KSR1: variants seen among roughly 807,000 people sequenced by gnomAD.
KSR1 encodes kinase suppressor of ras 1.
In KSR1, 35 loss-of-function variants were observed where a neutral mutation model predicts 92.9. That is an observed-to-expected ratio of 0.38 (90% CI 0.29 to 0.50). KSR1 has a LOEUF of 0.50. KSR1 is among the 20% of genes least tolerant of loss of function. The pLI, the probability that KSR1 is intolerant of heterozygous loss-of-function variation, is 0.94. For missense variants in KSR1, 972 were observed against 1,158.5 expected (o/e 0.84, Z 2.34); for synonymous variants, 467 against 472.6 (o/e 0.99, Z 0.15).
chr17:27,587,931 T>C (rs2073028143), intron 5 of KSR1, among the ~76,000 whole-genome samples: 1 of 152,320 alleles, frequency 6.6e-6, no homozygotes, highest in East Asian at 1.9e-4. Context: ...AGCTTCACCT[T>C]GTCCTCGTTC....
At chr17:27,508,479 T>A (rs933480615) in intron 1 of KSR1, among the ~76,000 whole-genome samples, 3 of 152,148 alleles carry the variant, frequency 2.0e-5, no homozygotes, top group African/African-American at 7.2e-5. Flanking sequence ...TATTTGTAAG[T>A]GGCAGGAGCT....
intron 9 of KSR1, among the ~76,000 whole-genome samples, chr17:27,593,370 T>C (rs1181864114): frequency 6.6e-6 from 1 of 152,252 alleles, no homozygotes; most frequent in Non-Finnish European, 1.5e-5. Flanking sequence ...GGCTTCTGGC[T>C]GCTGTGGTTT....
chr17:27,591,601 G>A (rs2073168863), intron 7 of KSR1, among the ~76,000 whole-genome samples: 1 of 152,228 alleles, frequency 6.6e-6, no homozygotes, highest in Admixed American at 6.5e-5. Flanking sequence ...ACCGTAGATG[G>A]TGGGTCTTGT....
intron 1 of KSR1, among the ~76,000 whole-genome samples, chr17:27,461,844 G>A (rs1182896262): frequency 6.6e-6 from 1 of 152,232 alleles, no homozygotes; most frequent in African/African-American, 2.4e-5. Flanking sequence ...AAAGTGCGCC[G>A]CAGGTATTCT....
At chr17:27,564,144 A>G (rs992393282) in intron 2 of KSR1, among the ~76,000 whole-genome samples, 31 of 151,802 alleles carry the variant, frequency 2.0e-4, no homozygotes, top group African/African-American at 7.2e-4. Flanking sequence ...ACCCGTCACC[A>G]CACCCAGCTA....
At chr17:27,583,931 G>A in intron 4 of KSR1, 1 of 977,606 alleles carries the variant, frequency 1.0e-6, no homozygotes, top group East Asian at 1.1e-4. Flanking sequence ...CCTTTCAGGA[G>A]CCAACCAGGC....
At chr17:27,479,974 T>C (rs2068463874) in intron 1 of KSR1, among the ~76,000 whole-genome samples, 1 of 152,168 alleles carries the variant, frequency 6.6e-6, no homozygotes, top group Non-Finnish European at 1.5e-5. Flanking sequence ...TTTGTCTGAA[T>C]GTAAATAGGA....
chr17:27,479,557 A>G (rs1416534220), intron 1 of KSR1, among the ~76,000 whole-genome samples: 1 of 152,122 alleles, frequency 6.6e-6, no homozygotes, highest in Admixed American at 6.5e-5. Flanking sequence ...GCTCTGACCC[A>G]CACTGGCCCT....
chr17:27,497,970 A>T lies in KSR1; in HGVS notation c.231+41096A>T, dbSNP rs536791630. On this transcript the variant is annotated intron_variant, in intron 1 of 20. Transcript: ENST00000644974. ...GGTTTGTACAGGTTTTGCTGCAAAA[A>T]TGAGGAGTGTGTGTGCATGTGCATA... is the stretch of plus-strand genomic sequence containing the variant. 4.6e-5 allele frequency among the ~76,000 whole-genome samples: 7 copies of T among 152,306 alleles called. 1 individual carries two copies. The South Asian group carries it at 1.5e-3, about 32-fold the overall frequency.
In KSR1 at chr17:27,459,550, C is replaced by T. The variant is rs1001032915; in HGVS notation, c.231+2676C>T. Among the ~76,000 whole-genome samples, 21 of 152,236 alleles carry T rather than the reference C, an allele frequency of 1.4e-4. No homozygotes were observed. Among genetic ancestry groups the T allele is most frequent in the African/African-American group, 5.1e-4 (21 of 41,474 alleles). ...AGGCAAGTGGCAGTGTCCACTCCAG[C>T]GTTCTTTCCTGTTCTGTGGGCTCCC... On this transcript the variant is annotated intron_variant, in intron 1 of 20. Coordinates refer to ENST00000644974, the MANE Select transcript of KSR1 (RefSeq NM_001394583.1). The surrounding 1 kb of genome is among the most constrained non-coding windows in gnomAD (Gnocchi z 4.6).
intron 2 of KSR1, among the ~76,000 whole-genome samples, chr17:27,566,133 G>A (rs1309617637): frequency 1.3e-5 from 2 of 152,140 alleles, no homozygotes; most frequent in African/African-American, 4.8e-5. Flanking sequence ...AGATGACCGT[G>A]TTCTTATTGA....
chr17:27,600,773 TATTTACACCCCC>T (rs992781593), intron 10 of KSR1, among the ~76,000 whole-genome samples: 41 of 152,286 alleles, frequency 2.7e-4, no homozygotes, highest in African/African-American at 9.6e-4. Context: ...CACATGACTG[TATTTACACCCCC>T]ATTTGACAGT....
chr17:27,514,534 C>T (rs1274892718), intron 1 of KSR1, among the ~76,000 whole-genome samples: 2 of 152,072 alleles, frequency 1.3e-5, no homozygotes, highest in African/African-American at 4.8e-5. Flanking sequence ...GTGGCGTACG[C>T]CTGTAATCCC....
chr17:27,552,972 G>T (rs1426740766), intron 2 of KSR1, among the ~76,000 whole-genome samples: 1 of 152,218 alleles, frequency 6.6e-6, no homozygotes, highest in Non-Finnish European at 1.5e-5. Context: ...CTAGCACTCA[G>T]TGGGTATAGA....
intron 10 of KSR1, among the ~76,000 whole-genome samples, chr17:27,600,240 G>A (rs572000737): frequency 6.6e-6 from 1 of 152,066 alleles, no homozygotes; most frequent in African/African-American, 2.4e-5. Flanking sequence ...TTCAAGACCA[G>A]CCTGGCCAAC....
intron 3 of KSR1, chr17:27,578,708 G>T (rs959192162): frequency 6.6e-6 from 1 of 152,236 alleles, no homozygotes; most frequent in Non-Finnish European, 1.5e-5. Context: ...TCCTCCTTAT[G>T]CCTGGATTTT....
chr17:27,619,283 G>A (rs2074149887), intron 19 of KSR1, among the ~76,000 whole-genome samples: 1 of 152,124 alleles, frequency 6.6e-6, no homozygotes, highest in South Asian at 2.1e-4. Context: ...CTTGCAGGTG[G>A]CACAGTCTCT....
chr17:27,540,438 C>A (rs1388704311), intron 1 of KSR1, among the ~76,000 whole-genome samples: 2 of 152,182 alleles, frequency 1.3e-5, no homozygotes, highest in African/African-American at 4.8e-5. Flanking sequence ...CACTTGTGGT[C>A]TGGGTTAGAC....
chr17:27,613,972 T>G lies in KSR1; in HGVS notation c.2493+2343T>G, dbSNP rs569751703. Among the ~76,000 whole-genome samples the G allele has an allele frequency of 2.4e-4, 37 of 152,336 alleles. No individual in the cohort carries two copies. The South Asian group carries it at 6.8e-3, about 28-fold the overall frequency. ...ATGCACCAAAATATCCAGCTAATTT[T>G]TGTATTTTTAGTAGAGATGGGGTTT... On this transcript the variant is annotated intron_variant, in intron 18 of 20. Coordinates refer to ENST00000644974, the MANE Select transcript of KSR1 (RefSeq NM_001394583.1).
Sources: allele counts gnomAD v4.1 joint callset (sites outside exome capture counted in the v4.1 genomes callset), GRCh38; gene constraint gnomAD v4.1.1; non-coding constraint Gnocchi (gnomAD v3.1); transcripts MANE v1.5; gene names NCBI Gene and HGNC (gene_info 2026-07-23, HGNC 2026-07-21).